The following ARPP21 variants were observed in gnomAD, a reference collection of about 807,000 sequenced individuals.
The protein encoded by ARPP21 is cAMP regulated phosphoprotein 21.
ARPP21 carries 69 observed loss-of-function variants against 113.2 expected under a neutral mutation model. The ratio of observed to expected loss-of-function variants is 0.61; its 90% CI spans 0.50 to 0.74. The LOEUF (loss-of-function observed/expected upper bound fraction) is 0.74, where lower values mean the gene tolerates loss of function less well. ARPP21 is among the 30% of genes least tolerant of loss of function. ARPP21 has a pLI of 0.00. For synonymous variants in ARPP21, 368 were observed against 375.5 expected, an observed-to-expected ratio of 0.98 and a Z score of 0.23; for missense variants, 1,070 against 1,037.4, an observed-to-expected ratio of 1.03 and a Z score of -0.43.
At chr3:35,739,266 T>C in intron 17 of ARPP21, 51 bp from the exon 18 acceptor site, 1 of 1,586,822 alleles carries the variant, frequency 6.3e-7, no homozygotes, top group East Asian at 2.2e-5. Context: ...GTGCCTCTCT[T>C]ATTACCAAGC....
chr3:35,790,496 G>A (rs531911716), intron 19 of ARPP21, among the ~76,000 whole-genome samples: 4 of 152,234 alleles, frequency 2.6e-5, no homozygotes, highest in African/African-American at 9.6e-5. Context: ...AAAAACAATC[G>A]GAAACAATTT....
chr3:35,699,787 G>A (rs150633419), intron 9 of ARPP21, among the ~76,000 whole-genome samples: 2 of 151,830 alleles, frequency 1.3e-5, no homozygotes, highest in Admixed American at 1.3e-4. Flanking sequence ...GGCTTCAATG[G>A]AATGCTTTTT....
intron 19 of ARPP21, among the ~76,000 whole-genome samples, chr3:35,749,643 A>G (rs2095328188): frequency 6.6e-6 from 1 of 152,114 alleles, no homozygotes; most frequent in Admixed American, 6.5e-5. Context: ...AGAATTCTCC[A>G]ATAAATCCAT....
At chr3:35,647,496 T>C (rs1271727186) in intron 1 of ARPP21, among the ~76,000 whole-genome samples, 2 of 152,024 alleles carry the variant, frequency 1.3e-5, no homozygotes, top group Non-Finnish European at 2.9e-5. Flanking sequence ...CTGTAAGCAA[T>C]GAAGGAAGGC....
intron 19 of ARPP21, among the ~76,000 whole-genome samples, chr3:35,786,389 G>A (rs1487328690): frequency 6.6e-6 from 1 of 152,006 alleles, no homozygotes; most frequent in African/African-American, 2.4e-5. Context: ...GGGTGTGGTG[G>A]TGCGTGCCTG....
rs1350747319 is a variant in ARPP21 at position 35,792,504 on chromosome 3, T to G, written c.2260T>G (p.Ser754Ala). 1 of 1,614,110 alleles carries G rather than the reference T, an allele frequency of 6.2e-7. No individual in the cohort carries two copies. The highest frequency in any genetic ancestry group is 8.5e-7 in the Non-Finnish European group (1 of 1,179,982). ...QGTPVQSVMV[S>A]YPTMSSYQVP... ...AACTCCGGTGCAAAGCGTGATGGTT[T>G]CCTACCCAACAATGTCTTCTTATCA... The change falls in exon 20 of 21, where the codon TCC becomes GCC. Residue 754 changes from serine to alanine, a missense_variant. Ser to Ala is a moderately conservative substitution (Grantham distance 99, BLOSUM62 1). Coordinates refer to ENST00000684406, the MANE Select transcript of ARPP21 (RefSeq NM_001385562.1).
chr3:35,678,551 T>C (rs1266869331), intron 1 of ARPP21, among the ~76,000 whole-genome samples: 1 of 151,952 alleles, frequency 6.6e-6, no homozygotes, highest in African/African-American at 2.4e-5. Context: ...AGCCATATAA[T>C]TTCCAAAAAT....
Position 35,737,190 on chromosome 3 carries a change from T to C in ARPP21, c.1472T>C (p.Val491Ala), listed in dbSNP as rs745681681. The C allele has an allele frequency of 1.2e-6, 2 of 1,607,482 alleles. No homozygotes were observed. The highest frequency in any genetic ancestry group is 4.5e-5 in the East Asian group (2 of 44,762). Reference sequence around the variant, plus strand: ...GATTCCATTGCAGGCCAGCCCTTTGTGAATCCCGATGGAACTCCTGCAATA... The same window carrying C: ...GATTCCATTGCAGGCCAGCCCTTTGCGAATCCCGATGGAACTCCTGCAATA... ...LLNPHTGQPF[V>A]NPDGTPAIYN... The change falls in exon 16 of 21, where the codon GTG becomes GCG. Residue 491 changes from valine to alanine, a missense_variant. Physicochemically the swap from Val to Ala is moderately conservative, Grantham distance 64. Transcript: ENST00000684406.
At chr3:35,762,805 G>A (rs2095831201) in intron 19 of ARPP21, among the ~76,000 whole-genome samples, 1 of 152,078 alleles carries the variant, frequency 6.6e-6, no homozygotes, top group Admixed American at 6.6e-5. Flanking sequence ...ATTTAGCAAT[G>A]TTTTAATGGC....
At position 35,729,499 on chromosome 3, in the gene ARPP21, C is replaced by T. The variant is rs1309255713; in HGVS notation, c.1422C>T (p.Gly474=). 3.7e-6 allele frequency: 6 copies of T among 1,614,090 alleles called. No individual in the cohort carries two copies. Among genetic ancestry groups the T allele is most frequent in the African/African-American group, 1.3e-5 (1 of 74,924 alleles). Residue 474 remains glycine, a synonymous_variant, in exon 15 of 21, where the codon GGC becomes GGT. Coordinates refer to ENST00000684406, the MANE Select transcript of ARPP21 (RefSeq NM_001385562.1). The part of the protein sequence containing the change: ...YILLPLEAAT[G]IPPGSILLNP... ...TCCTTCCACTTGAAGCTGCAACAGG[C>T]ATCCCGCCTGGAAGCATCCTTCTTA...
intron 1 of ARPP21, among the ~76,000 whole-genome samples, chr3:35,646,397 G>A (rs529117109): frequency 2.0e-5 from 3 of 152,036 alleles, no homozygotes; most frequent in Non-Finnish European, 4.4e-5. Context: ...AAATCCCAGC[G>A]TTGCTAGCAT....
intron 19 of ARPP21, among the ~76,000 whole-genome samples, chr3:35,755,329 TAA>T (rs759243891): frequency 3.3e-5 from 5 of 152,122 alleles, no homozygotes; most frequent in Admixed American, 1.3e-4. Context: ...TTCCCAAACC[TAA>T]GTCTGTTTTC....
intron 1 of ARPP21, among the ~76,000 whole-genome samples, chr3:35,663,626 G>C (rs1708833284): frequency 6.6e-6 from 1 of 152,152 alleles, no homozygotes; most frequent in South Asian, 2.1e-4. Flanking sequence ...TCCTCGGAGC[G>C]GGGTGAGATT....
chr3:35,692,306 T>C (rs1026737557), intron 9 of ARPP21, among the ~76,000 whole-genome samples: 3 of 151,672 alleles, frequency 2.0e-5, no homozygotes, highest in Admixed American at 2.0e-4. Flanking sequence ...CATATTTGAA[T>C]AGTAGTAAAA....
chr3:35,790,343 A>G (rs891641412), intron 19 of ARPP21, among the ~76,000 whole-genome samples: 2 of 152,160 alleles, frequency 1.3e-5, no homozygotes, highest in African/African-American at 4.8e-5. Flanking sequence ...GATCATCCCA[A>G]GTTATTTTCT....
chr3:35,684,476 A>G, intron 5 of ARPP21: 1 of 984,272 alleles, frequency 1.0e-6, no homozygotes, highest in Non-Finnish European at 1.2e-6. Context: ...TTTCATGACA[A>G]AATGGGAAAC....
At chr3:35,725,641 T>C (rs2093472161) in intron 14 of ARPP21, among the ~76,000 whole-genome samples, 1 of 152,256 alleles carries the variant, frequency 6.6e-6, no homozygotes, top group Non-Finnish European at 1.5e-5. Flanking sequence ...TCCTTCCCCT[T>C]CTGCCCTGTC....
intron 19 of ARPP21, among the ~76,000 whole-genome samples, chr3:35,746,735 G>T (rs998257924): frequency 6.6e-6 from 1 of 152,202 alleles, no homozygotes; most frequent in African/African-American, 2.4e-5. Context: ...ATCTGAATTT[G>T]CTTCTTGGCG....
chr3:35,793,947 G>A lies in ARPP21; in HGVS notation c.2533G>A (p.Val845Ile), dbSNP rs756315012. The A allele has an allele frequency of 6.2e-7, 1 of 1,613,418 alleles. No individual in the cohort carries two copies. Among genetic ancestry groups the A allele is most frequent in the South Asian group, 1.1e-5 (1 of 91,028 alleles). The change falls in exon 21 of 21, where the codon GTC becomes ATC. Residue 845 changes from valine to isoleucine, a missense_variant. By Grantham distance (29) the Val-to-Ile change is conservative. Coordinates refer to ENST00000684406, the MANE Select transcript of ARPP21 (RefSeq NM_001385562.1). ...AAGTATGAGCAATGCTGGTTGGCAG[G>A]TCAAATTCTGAGAGCTCTGGCTGTG... ...CASMSNAGWQ[V>I]KF
Sources: allele counts gnomAD v4.1 joint callset (sites outside exome capture counted in the v4.1 genomes callset), GRCh38; gene constraint gnomAD v4.1.1; transcripts MANE v1.5; gene names NCBI Gene and HGNC (gene_info 2026-07-23, HGNC 2026-07-21).